Variants in EFNA5 observed in about 807,000 individuals in gnomAD.
EFNA5 encodes the protein ephrin-A5.
Under a neutral mutation model 22.9 loss-of-function variants are expected in EFNA5, and 5 were observed. The observed-to-expected ratio is 0.22, with a 90% confidence interval of 0.11 to 0.46. The LOEUF (loss-of-function observed/expected upper bound fraction) is 0.46, where lower values mean the gene tolerates loss of function less well. Ranked by LOEUF, EFNA5 falls within the 20% of genes least tolerant of loss-of-function variation. EFNA5 has a pLI of 0.99. For missense variants in EFNA5, 237 were observed against 293.3 expected (o/e 0.81, Z 1.40); for synonymous variants, 113 against 112.2 (o/e 1.01, Z -0.04).
chr5:107,450,035 A>C (rs1444161304), intron 1 of EFNA5, among the ~76,000 whole-genome samples: 1 of 152,224 alleles, frequency 6.6e-6, no homozygotes, highest in Non-Finnish European at 1.5e-5. Flanking sequence ...CACATCTCAA[A>C]GGGGAAGCAA....
chr5:107,547,724 T>G (rs780213526), intron 1 of EFNA5, among the ~76,000 whole-genome samples: 12 of 152,178 alleles, frequency 7.9e-5, no homozygotes, highest in Admixed American at 5.2e-4. Context: ...TTTTTCTTTT[T>G]GATGATATAT....
intron 1 of EFNA5, among the ~76,000 whole-genome samples, chr5:107,637,480 T>C (rs925932263): frequency 2.0e-5 from 3 of 151,352 alleles, no homozygotes; most frequent in Non-Finnish European, 4.4e-5. Flanking sequence ...CAAGACCAAA[T>C]ATTCACAGCA....
chr5:107,554,785 A>G (rs1748372929), intron 1 of EFNA5, among the ~76,000 whole-genome samples: 1 of 152,290 alleles, frequency 6.6e-6, no homozygotes, highest in East Asian at 1.9e-4. Context: ...AGATAGGAAA[A>G]CCGAGTCTTA....
intron 1 of EFNA5, among the ~76,000 whole-genome samples, chr5:107,627,177 T>C (rs1561453426): frequency 2.0e-5 from 3 of 152,180 alleles, no homozygotes; most frequent in Admixed American, 2.0e-4. Flanking sequence ...ATACTATTAC[T>C]AAAAAAGCAC....
chr5:107,547,653 A>G (rs1561428955), intron 1 of EFNA5, among the ~76,000 whole-genome samples: 2 of 152,134 alleles, frequency 1.3e-5, no homozygotes. Flanking sequence ...TAAAAAAGAC[A>G]TTAAGTAGAT....
At chr5:107,410,847 G>C (rs1178505152) in intron 2 of EFNA5, among the ~76,000 whole-genome samples, 1 of 152,188 alleles carries the variant, frequency 6.6e-6, no homozygotes, top group African/African-American at 2.4e-5. Flanking sequence ...GAGTTGGGCA[G>C]TGGCAGAAAT....
intron 1 of EFNA5, among the ~76,000 whole-genome samples, chr5:107,550,097 T>G (rs1031481477): frequency 6.6e-6 from 1 of 152,200 alleles, no homozygotes; most frequent in Non-Finnish European, 1.5e-5. Flanking sequence ...AACTGTAAAA[T>G]AGCTGTCATC....
chr5:107,670,018 G>A (rs1751154037), intron 1 of EFNA5, among the ~76,000 whole-genome samples: 2 of 133,328 alleles, frequency 1.5e-5, no homozygotes, highest in East Asian at 2.3e-4. Context: ...AAAGAGAAGG[G>A]AAAATTAAAA....
In EFNA5 at chr5:107,465,609, G is replaced by A. The variant is rs191305116; in HGVS notation, c.126-38100C>T. Among the ~76,000 whole-genome samples, 555 of 152,172 alleles carry A rather than the reference G, an allele frequency of 3.6e-3. 5 individuals carry two copies. The highest frequency in any genetic ancestry group is 0.027 in the Middle Eastern group (8 of 294). On this transcript the variant is annotated intron_variant, in intron 1 of 4. Transcript: ENST00000333274. ...AACATAATTGAAAATCAAATAAATAGGTAGTTAAATAACTATCAGAGGTTT... is the reference window on the plus strand; with the variant it reads ...AACATAATTGAAAATCAAATAAATAAGTAGTTAAATAACTATCAGAGGTTT...
intron 1 of EFNA5, among the ~76,000 whole-genome samples, chr5:107,618,022 T>C (rs1336357826): frequency 2.0e-5 from 3 of 151,758 alleles, no homozygotes; most frequent in African/African-American, 7.3e-5. Flanking sequence ...AAATCATGGA[T>C]TTCAAGAAAA....
intron 1 of EFNA5, among the ~76,000 whole-genome samples, chr5:107,455,216 G>A (rs1393875514): frequency 6.6e-6 from 1 of 152,158 alleles, no homozygotes; most frequent in Non-Finnish European, 1.5e-5. Flanking sequence ...CAGACCCAAA[G>A]ATCTCAGAGC....
chr5:107,541,196 A>G (rs1748039958), intron 1 of EFNA5, among the ~76,000 whole-genome samples: 1 of 152,198 alleles, frequency 6.6e-6, no homozygotes, highest in Non-Finnish European at 1.5e-5. Context: ...ATAAGTGATG[A>G]AAATTAATTA....
At chr5:107,569,579 A>ATT (rs1190094396) in intron 1 of EFNA5, among the ~76,000 whole-genome samples, 7 of 25,594 alleles carry the variant, frequency 2.7e-4, no homozygotes, top group Middle Eastern at 0.02. Context: ...ATATATATAT[A>ATT]TATATATATA....
intron 1 of EFNA5, among the ~76,000 whole-genome samples, chr5:107,665,719 C>CA (rs1487317570): frequency 6.6e-6 from 1 of 152,070 alleles, no homozygotes; most frequent in Non-Finnish European, 1.5e-5. Context: ...AATAATGAAT[C>CA]AAATAGGTAG....
intron 1 of EFNA5, among the ~76,000 whole-genome samples, chr5:107,578,515 T>C (rs1239510136): frequency 6.6e-6 from 1 of 152,142 alleles, no homozygotes; most frequent in Non-Finnish European, 1.5e-5. Context: ...TTCTAGACCT[T>C]TTAAATACAT....
At chr5:107,601,649 A>T (rs1000266559) in intron 1 of EFNA5, among the ~76,000 whole-genome samples, 1 of 152,242 alleles carries the variant, frequency 6.6e-6, no homozygotes, top group South Asian at 2.1e-4. Context: ...ACTGACATTA[A>T]TAATACTTGC....
intron 2 of EFNA5, among the ~76,000 whole-genome samples, chr5:107,421,644 G>T (rs1008813889): frequency 7.2e-5 from 11 of 152,038 alleles, no homozygotes; most frequent in Non-Finnish European, 1.5e-4. Context: ...CTGATTCGGG[G>T]TTCCTAGGAA....
chr5:107,494,281 C>T (rs528640470), intron 1 of EFNA5, among the ~76,000 whole-genome samples: 1 of 152,246 alleles, frequency 6.6e-6, no homozygotes, highest in South Asian at 2.1e-4. Flanking sequence ...CTGCGGGCGG[C>T]GCTTGAGGGC....
At chr5:107,615,998 T>C (rs901157054) in intron 1 of EFNA5, among the ~76,000 whole-genome samples, 37 of 152,210 alleles carry the variant, frequency 2.4e-4, no homozygotes, top group African/African-American at 8.7e-4. Flanking sequence ...ATATTTCATT[T>C]CAAGATCTGG....
Sources: gnomAD v4.1 joint callset for allele counts (sites outside exome capture counted in the v4.1 genomes callset) on GRCh38, gnomAD v4.1.1 for gene constraint, MANE v1.5 for transcripts, NCBI Gene and HGNC (gene_info 2026-07-23, HGNC 2026-07-21) for gene names.